The following EMP3 variants were observed in gnomAD, a reference collection of about 807,000 sequenced individuals.
The protein encoded by EMP3 is epithelial membrane protein 3 (MAM blood group), also known as epithelial membrane protein 3.
A neutral mutation model predicts 21.6 loss-of-function variants in EMP3; 15 were observed. That is an observed-to-expected ratio of 0.69 (90% CI 0.46 to 1.07). The LOEUF (loss-of-function observed/expected upper bound fraction) is 1.07. Among genes scored for constraint, EMP3 ranks in the 50% least tolerant of loss-of-function variants. The pLI is 0.00. For synonymous variants in EMP3, 107 were observed against 86.1 expected (o/e 1.24, Z -1.34); for missense variants, 183 against 206.6 (o/e 0.89, Z 0.70).
rs1245255914 is a variant in EMP3 at position 48,326,514 on chromosome 19, G to A, written c.-15-316G>A. On this transcript the variant is annotated intron_variant, in intron 1 of 4. Transcript: ENST00000270221. ...CCAAATTTTTTTTTTTTTTTGAGAC[G>A]GAGTCTTTCTCTGTCACCCAGGCTG... Among the ~76,000 whole-genome samples, 4 of 145,870 alleles carry A rather than the reference G, an allele frequency of 2.7e-5. No individual in the cohort carries two copies. In the East Asian group the frequency reaches 6.0e-4, roughly 22 times the overall value.
At position 48,330,527 on chromosome 19, in the gene EMP3, C is replaced by A; in HGVS notation, c.*57C>A. 1 of 1,473,266 alleles carries A rather than the reference C, an allele frequency of 6.8e-7. No individual in the cohort carries two copies. Among genetic ancestry groups the A allele is most frequent in the Admixed American group, 2.5e-5 (1 of 39,444 alleles). 91.3% of individuals were successfully genotyped at this position (1,473,266 alleles called of 1,614,324 possible). ...TTCCCGGCCCCCCTCGCCGCGCGTCCTCCAAAAAATAAAACCTTAACCGCG... is the reference window on the plus strand; with the variant it reads ...TTCCCGGCCCCCCTCGCCGCGCGTCATCCAAAAAATAAAACCTTAACCGCG... On this transcript the variant is annotated 3_prime_UTR_variant, in exon 5 of 5. Transcript: ENST00000270221.
chr19:48,330,272 G>A, intron 4 of EMP3, 29 bp from the exon 5 acceptor site: 2 of 1,553,692 alleles, frequency 1.3e-6, no homozygotes, highest in Non-Finnish European at 1.7e-6. Context: ...AGGGGGCACT[G>A]CATGACGTGT....
In EMP3 at chr19:48,329,325, T is replaced by TC. The variant is rs1283967757; in HGVS notation, c.182-22dup. On this transcript the variant is annotated intron_variant, in intron 3 of 4. Transcript: ENST00000270221. The surrounding 1 kb of genome is among the most constrained non-coding windows in gnomAD (Gnocchi z 4.5). ...CTGGAACTCTGGACCCACGGTGATG[T>TC]CCCCCTCTGTGTCCTCCTTACTGCA... 1 of 1,613,346 alleles carries TC rather than the reference T, an allele frequency of 6.2e-7. No individual in the cohort carries two copies. Among genetic ancestry groups the TC allele is most frequent in the African/African-American group, 1.3e-5 (1 of 74,870 alleles).
intron 3 of EMP3, chr19:48,327,925 A>T: frequency 3.0e-6 from 1 of 331,686 alleles, no homozygotes; most frequent in Non-Finnish European, 5.7e-6. Flanking sequence ...CTCCTGCCTC[A>T]GCCTCCCGAG....
Position 48,329,354 on chromosome 19 carries a change from TGGCTGAAGGCGGTGCA to T in EMP3, c.187_202del (p.Leu63SerfsTer49), listed in dbSNP as rs1337327394. The T allele has an allele frequency of 1.2e-6, 2 of 1,614,138 alleles. No individual in the cohort carries two copies. Among genetic ancestry groups the T allele is most frequent in the Non-Finnish European group, 1.7e-6 (2 of 1,180,024 alleles). On this transcript the variant is annotated frameshift_variant, in exon 4 of 5. Transcript: ENST00000270221. LOFTEE classifies it high-confidence loss of function. The surrounding 1 kb of genome is among the most constrained non-coding windows in gnomAD (Gnocchi z 4.5). ...CCTCTGTGTCCTCCTTACTGCAGGC[TGGCTGAAGGCGGTGCA>T]GGTCCTCATGGTGCTCTCCCTCATT...
rs377667808 is a variant in EMP3, at chr19:48,327,831, G to A, written c.181+208G>A. ...TTTTTTGTTTTTGTTTTTTGAGACC[G>A]AGTTTTCCTCTGGTTGCCCAGGCTG... is the stretch of plus-strand genomic sequence containing the variant. On this transcript the variant is annotated intron_variant, in intron 3 of 4. Coordinates refer to ENST00000270221, the MANE Select transcript of EMP3 (RefSeq NM_001425.3). 29 of 537,482 alleles carry A rather than the reference G, an allele frequency of 5.4e-5. 1 individual carries two copies. The highest frequency in any genetic ancestry group is 3.6e-4 in the Admixed American group (11 of 30,696). The allele number at this position is 537,482 out of a possible 1,614,324, so 33.3% of individuals were successfully genotyped here.
In EMP3 at chr19:48,329,440, C is replaced by G; in HGVS notation, c.270C>G (p.Thr90=). 2 of 1,614,166 alleles carry G rather than the reference C, an allele frequency of 1.2e-6. No homozygotes were observed. The highest frequency in any genetic ancestry group is 1.7e-6 in the Non-Finnish European group (2 of 1,180,032). ...SFILFMFQLY[T]MRRGGLFYAT... ...TCCTGTTCATGTTCCAGCTCTACAC[C>G]ATGCGACGAGGAGGTCTCTTCTATG... Residue 90 remains threonine (T), a synonymous_variant, in exon 4 of 5, where the codon ACC becomes ACG. Coordinates refer to ENST00000270221, the MANE Select transcript of EMP3 (RefSeq NM_001425.3). The surrounding 1 kb of genome is among the most constrained non-coding windows in gnomAD (Gnocchi z 4.5).
At chr19:48,328,328 C>A (rs1969157879) in intron 3 of EMP3, among the ~76,000 whole-genome samples, 1 of 146,850 alleles carries the variant, frequency 6.8e-6, no homozygotes, top group Admixed American at 7.1e-5. Context: ...AGAAGAATCG[C>A]TTGAACCCAG....
intron 3 of EMP3, 67 bp downstream of exon 3, chr19:48,327,690 C>G (rs1969146842): frequency 6.8e-7 from 1 of 1,469,260 alleles, no homozygotes; most frequent in Admixed American, 1.9e-5. Context: ...CCTCATGGGA[C>G]TGAGAATTGG....
chr19:48,326,975 C>T (rs958745574), intron 2 of EMP3, 53 bp downstream of exon 2: 50 of 1,488,114 alleles, frequency 3.4e-5, no homozygotes, highest in South Asian at 3.1e-4. Context: ...AATCTTGCCA[C>T]GCCCCTCCTC....
At chr19:48,327,053 A>G in intron 2 of EMP3, 131 bp downstream of exon 2, 1 of 816,914 alleles carries the variant, frequency 1.2e-6, no homozygotes, top group Non-Finnish European at 2.0e-6. Context: ...TTATTTTGAG[A>G]CAAGGGTCTC....
At chr19:48,327,726 T>A in intron 3 of EMP3, 103 bp downstream of exon 3, 1 of 1,115,066 alleles carries the variant, frequency 9.0e-7, no homozygotes, top group Non-Finnish European at 1.3e-6. Flanking sequence ...AAAGTTGGAG[T>A]GGGCGGGGTC....
In EMP3 at chr19:48,326,872, G is replaced by C; in HGVS notation, c.28G>C (p.Ala10Pro). MSLLLLVVS[A>P]LHILILILLF... ...GTCACTCCTCTTGCTGGTGGTCTCA[G>C]CCCTTCACATCCTCATTCTTATACT... is the stretch of plus-strand genomic sequence containing the variant. The change falls in exon 2 of 5, where the codon GCC becomes CCC. Residue 10 changes from alanine to proline, a missense_variant. Transcript: ENST00000270221. The C allele has an allele frequency of 6.2e-7, 1 of 1,614,018 alleles. No homozygotes were observed. The highest frequency in any genetic ancestry group is 8.5e-7 in the Non-Finnish European group (1 of 1,179,976).
At position 48,329,185 on chromosome 19, in the gene EMP3, G is replaced by GGAATA. The variant is rs2147346101; in HGVS notation, c.182-167_182-166insGAATA. 5 of 769,554 alleles carry GGAATA rather than the reference G, an allele frequency of 6.5e-6. No homozygotes were observed. The East Asian group carries it at 1.4e-4, about 21-fold the overall frequency. 47.7% of individuals were successfully genotyped at this position (769,554 alleles called of 1,614,324 possible). On this transcript the variant is annotated intron_variant, in intron 3 of 4. Coordinates refer to ENST00000270221, the MANE Select transcript of EMP3 (RefSeq NM_001425.3). This position sits in a 1 kb window ranked among gnomAD's most constrained non-coding sequence, Gnocchi z 4.5. Reference sequence around the variant, plus strand: ...AGAACTGAGAAGGGAATATAGCAAGGTAACAGGGCTCAAGGTCAAAATAAG... The same window carrying GGAATA: ...AGAACTGAGAAGGGAATATAGCAAGGGAATATAACAGGGCTCAAGGTCAAAATAAG...
intron 2 of EMP3, 45 bp from the exon 3 acceptor site, chr19:48,327,476 T>G: frequency 6.8e-7 from 1 of 1,472,186 alleles, no homozygotes; most frequent in South Asian, 1.2e-5. Flanking sequence ...CTATCCCCTC[T>G]CCTTTCCTAA....
rs769091490 is a variant in EMP3, at chr19:48,326,844, C to T, written c.-1C>T. On this transcript the variant is annotated 5_prime_UTR_variant, in exon 2 of 5. Coordinates refer to ENST00000270221, the MANE Select transcript of EMP3 (RefSeq NM_001425.3). ...CCCCTCCCCAGGCTTCCACTGCAGCCATGTCACTCCTCTTGCTGGTGGTCT... is the reference window on the plus strand; with the variant it reads ...CCCCTCCCCAGGCTTCCACTGCAGCTATGTCACTCCTCTTGCTGGTGGTCT... 3 of 1,613,902 alleles carry T rather than the reference C, an allele frequency of 1.9e-6. No homozygotes were observed. Among genetic ancestry groups the T allele is most frequent in the Admixed American group, 3.3e-5 (2 of 59,982 alleles).
intron 1 of EMP3, 55 bp downstream of exon 1, chr19:48,325,665 T>C (rs1969111967): frequency 6.6e-6 from 1 of 152,062 alleles, no homozygotes; most frequent in Non-Finnish European, 1.5e-5. Flanking sequence ...CTTGGGAATG[T>C]AGCAGTTTGG....
In EMP3 at chr19:48,329,071, A is replaced by G. The variant is rs551022272; in HGVS notation, c.182-281A>G. 6.6e-6 allele frequency among the ~76,000 whole-genome samples: 1 copy of G among 152,260 alleles called. No individual in the cohort carries two copies. Among genetic ancestry groups the G allele is most frequent in the East Asian group, 1.9e-4 (1 of 5,176 alleles). On this transcript the variant is annotated intron_variant, in intron 3 of 4. Coordinates refer to ENST00000270221, the MANE Select transcript of EMP3 (RefSeq NM_001425.3). The surrounding 1 kb of genome is among the most constrained non-coding windows in gnomAD (Gnocchi z 4.5). Reference sequence around the variant, plus strand: ...CTGAAGGACGAGGCTGCAGTGAGCCATGATTATACCACTGCACTCCAGCTT... The same window carrying G: ...CTGAAGGACGAGGCTGCAGTGAGCCGTGATTATACCACTGCACTCCAGCTT...
chr19:48,327,517 C>T lies in EMP3; in HGVS notation c.79-4C>T. On this transcript the variant is annotated splice_polypyrimidine_tract_variant and splice_region_variant and intron_variant, in intron 2 of 4. Transcript: ENST00000270221. ...CCCCTTGTTTCGTTCTCTGTCCATC[C>T]CAGTCCTGGTGGACTCTCCCTGGGA... 1 of 1,608,326 alleles carries T rather than the reference C, an allele frequency of 6.2e-7. No individual in the cohort carries two copies. The highest frequency in any genetic ancestry group is 8.5e-7 in the Non-Finnish European group (1 of 1,175,834).
Sources: gnomAD v4.1 joint callset for allele counts (sites outside exome capture counted in the v4.1 genomes callset) on GRCh38, gnomAD v4.1.1 for gene constraint, Gnocchi (gnomAD v3.1) non-coding constraint, MANE v1.5 for transcripts, NCBI Gene and HGNC (gene_info 2026-07-23, HGNC 2026-07-21) for gene names.